Variants in SPTBN4 observed in about 807,000 individuals in gnomAD.
SPTBN4 encodes the protein spectrin beta chain, non-erythrocytic 4.
A neutral mutation model predicts 277.8 loss-of-function variants in SPTBN4; 96 were observed. The observed-to-expected ratio is 0.35, with a 90% CI of 0.29 to 0.41. The LOEUF (loss-of-function observed/expected upper bound fraction) is 0.41. Ranked by LOEUF, SPTBN4 falls within the 10% of genes least tolerant of loss-of-function variation. The pLI is 1.00. For missense variants in SPTBN4, 3,006 were observed against 3,595.7 expected (o/e 0.84, Z 4.19); for synonymous variants, 1,481 against 1,580.3 (o/e 0.94, Z 1.49).
rs187965894 is a variant in SPTBN4, at chr19:40,471,604, G to A, written c.-15-1003G>A. 6.1e-4 allele frequency among the ~76,000 whole-genome samples: 93 copies of A among 152,170 alleles called. 3 individuals carry two copies. The highest frequency in any genetic ancestry group is 2.0e-3 in the African/African-American group (82 of 41,516). On this transcript the variant is annotated intron_variant, in intron 1 of 35. Coordinates refer to ENST00000598249, the MANE Select transcript of SPTBN4 (RefSeq NM_020971.3). The stretch of plus-strand genomic sequence containing the variant: ...TATTATTATTTAGAAATAGGGTATC[G>A]CCATATTGCCCAGTTTGGAGTGCAG...
At chr19:40,503,008 G>A in intron 11 of SPTBN4, 75 bp downstream of exon 11, 1 of 1,531,622 alleles carries the variant, frequency 6.5e-7, no homozygotes, top group Non-Finnish European at 8.8e-7. Context: ...CAGAGAGGGA[G>A]ACTTGATCTT....
rs772394253 is a variant in SPTBN4 at position 40,567,992 on chromosome 19, G to A, written c.6666G>A (p.Ala2222=). Residue 2222 remains alanine, a synonymous_variant, in exon 31 of 36, where the codon GCG becomes GCA. Coordinates refer to ENST00000598249, the MANE Select transcript of SPTBN4 (RefSeq NM_020971.3). ...CGGCGGAGACCCCCGCGACCCCCGCGGCGGCGGAGCAGGTGCGGCCACGAC... is the reference window on the plus strand; with the variant it reads ...CGGCGGAGACCCCCGCGACCCCCGCAGCGGCGGAGCAGGTGCGGCCACGAC... The part of the protein sequence containing the change: ...EDAAETPATP[A]AAEQVRPRPE... 8.0e-6 allele frequency: 12 copies of A among 1,501,902 alleles called. No individual in the cohort carries two copies. In the South Asian group the frequency reaches 1.0e-4, roughly 13 times the overall value. 93.0% of individuals were successfully genotyped at this position (1,501,902 alleles called of 1,614,324 possible).
At chr19:40,518,871 C>T (rs1675398) in intron 15 of SPTBN4, among the ~76,000 whole-genome samples, 31,168 of 152,008 alleles carry the variant, frequency 0.21, 4,679 homozygotes, top group African/African-American at 0.42. Flanking sequence ...ATAGCCACTG[C>T]GTTCTAGCCT....
At chr19:40,570,297 C>T in intron 32 of SPTBN4, 139 bp from the exon 33 acceptor site, 1 of 491,120 alleles carries the variant, frequency 2.0e-6, no homozygotes, top group Admixed American at 4.2e-5. Context: ...GGGCCTCCAA[C>T]CCTGAGGTCC....
In SPTBN4 at chr19:40,557,619, C is replaced by T. The variant is rs572512655; in HGVS notation, c.5670+216C>T. ...CAGGTATTGGCAGGGAAAAGTGGTA[C>T]CTTAGAAGGTCTCACAGATATTAAA... On this transcript the variant is annotated intron_variant, in intron 26 of 35. Coordinates refer to ENST00000598249, the MANE Select transcript of SPTBN4 (RefSeq NM_020971.3). Among the ~76,000 whole-genome samples the T allele has an allele frequency of 2.6e-5, 4 of 152,240 alleles. No homozygotes were observed. In the East Asian group the frequency reaches 7.7e-4, roughly 29 times the overall value.
Position 40,515,899 on chromosome 19 carries a change from CAAAA to C in SPTBN4, c.2903+452_2903+455del, listed in dbSNP as rs1463143684. ...ACACACACACACACACACACACACA[CAAAA>C]TATATATATACACACACATATATAT... On this transcript the variant is annotated intron_variant, in intron 15 of 35. Coordinates refer to ENST00000598249, the MANE Select transcript of SPTBN4 (RefSeq NM_020971.3). The surrounding 1 kb of genome is among the most constrained non-coding windows in gnomAD (Gnocchi z 4.1). Among the ~76,000 whole-genome samples the C allele has an allele frequency of 7.3e-6, 1 of 137,046 alleles. No homozygotes were observed. Among genetic ancestry groups the C allele is most frequent in the Admixed American group, 7.2e-5 (1 of 13,974 alleles). The allele number at this position is 137,046 out of a possible 152,430, so 89.9% of individuals were successfully genotyped here.
In SPTBN4 at chr19:40,479,702, A is replaced by ATATATATATATT. The variant is rs1303572950; in HGVS notation, c.169+6913_169+6914insATATATATATTT. The stretch of plus-strand genomic sequence containing the variant: ...TATATATATATATATATATATATAT[A>ATATATATATATT]TTTAACTTTTTATTATTAAAGTAGT... On this transcript the variant is annotated intron_variant, in intron 2 of 35. Transcript: ENST00000598249. Among the ~76,000 whole-genome samples, 345 of 144,394 alleles carry ATATATATATATT rather than the reference A, an allele frequency of 2.4e-3. 2 individuals are homozygous for ATATATATATATT. The highest frequency in any genetic ancestry group is 8.4e-3 in the African/African-American group (330 of 39,138). The allele number at this position is 144,394 out of a possible 152,430, so 94.7% of individuals were successfully genotyped here. A position where few individuals can be genotyped will look rare whatever the true frequency, so the allele number is the denominator to read the frequency against.
rs1032919112 is a variant in SPTBN4, at chr19:40,560,075, G to A, written c.5671-84G>A. ...AGTGTGAGGCTCCTTATATCTTGAG[G>A]TTCTGCGCTGGAGCAGATGGTGGGA... is the stretch of plus-strand genomic sequence containing the variant. On this transcript the variant is annotated intron_variant, in intron 26 of 35. Coordinates refer to ENST00000598249, the MANE Select transcript of SPTBN4 (RefSeq NM_020971.3). The surrounding 1 kb of genome is among the most constrained non-coding windows in gnomAD (Gnocchi z 5.2). 187 of 1,468,732 alleles carry A rather than the reference G, an allele frequency of 1.3e-4. No individual in the cohort carries two copies. The highest frequency in any genetic ancestry group is 1.6e-4 in the Non-Finnish European group (173 of 1,114,382). The allele number at this position is 1,468,732 out of a possible 1,614,324, so 91.0% of individuals were successfully genotyped here.
intron 20 of SPTBN4, among the ~76,000 whole-genome samples, chr19:40,541,046 G>T (rs576255023): frequency 2.6e-4 from 40 of 152,174 alleles, no homozygotes; most frequent in African/African-American, 9.1e-4. Context: ...TTCTCAGTCC[G>T]ATGGCTGGGA....
chr19:40,490,412 AC>A lies in SPTBN4; in HGVS notation c.495+166del, dbSNP rs1275597997. 4.6e-5 allele frequency among the ~76,000 whole-genome samples: 7 copies of A among 152,200 alleles called. No homozygotes were observed. The highest frequency in any genetic ancestry group is 1.7e-4 in the African/African-American group (7 of 41,434). ...AATGATAAAAATAATTGTCACGATC[AC>A]CACCATCACGATAATCATTTTGTAT... On this transcript the variant is annotated intron_variant, in intron 4 of 35. Coordinates refer to ENST00000598249, the MANE Select transcript of SPTBN4 (RefSeq NM_020971.3). The surrounding 1 kb of genome is among the most constrained non-coding windows in gnomAD (Gnocchi z 4.3).
intron 35 of SPTBN4, among the ~76,000 whole-genome samples, chr19:40,573,571 CTGTAATCCCAGCACT>C (rs2081173977): frequency 6.6e-6 from 1 of 152,242 alleles, no homozygotes; most frequent in Non-Finnish European, 1.5e-5. Context: ...TGGCTTACGC[CTGTAATCCCAGCACT>C]TCGGGAGGCC....
At chr19:40,510,528 C>T (rs183737248) in intron 13 of SPTBN4, among the ~76,000 whole-genome samples, 3 of 152,276 alleles carry the variant, frequency 2.0e-5, no homozygotes, top group Non-Finnish European at 4.4e-5. Context: ...TGGTCTCAAA[C>T]TGCTGACCTC....
intron 20 of SPTBN4, among the ~76,000 whole-genome samples, chr19:40,539,664 G>C (rs1366586389): frequency 2.0e-5 from 3 of 151,614 alleles, no homozygotes; most frequent in Non-Finnish European, 4.4e-5. Flanking sequence ...ATTTTTAGTA[G>C]AGACGGGGTT....
At chr19:40,522,719 T>C (rs574855428) in intron 16 of SPTBN4, among the ~76,000 whole-genome samples, 79 of 152,206 alleles carry the variant, frequency 5.2e-4, no homozygotes, top group Non-Finnish European at 8.2e-4. Flanking sequence ...TGAGCACACC[T>C]CAGGCAACAA....
Position 40,496,825 on chromosome 19 carries a change from C to A in SPTBN4, c.669-664C>A, listed in dbSNP as rs971795362. On this transcript the variant is annotated intron_variant, in intron 6 of 35. Transcript: ENST00000598249. Reference sequence around the variant, plus strand: ...CAGTGGCTCACACCTGTAATCCCTGCACTTTGGGAGGCCTAGGCAGGCAGA... The same window carrying A: ...CAGTGGCTCACACCTGTAATCCCTGAACTTTGGGAGGCCTAGGCAGGCAGA... 2.6e-5 allele frequency among the ~76,000 whole-genome samples: 4 copies of A among 151,950 alleles called. 1 individual carries two copies. Among genetic ancestry groups the A allele is most frequent in the South Asian group, 4.1e-4 (2 of 4,822 alleles).
At position 40,523,649 on chromosome 19, in the gene SPTBN4, C is replaced by T; in HGVS notation, c.3857+10C>T. On this transcript the variant is annotated intron_variant, in intron 17 of 35. Coordinates refer to ENST00000598249, the MANE Select transcript of SPTBN4 (RefSeq NM_020971.3). ...CCCGGCTGCTGGAGAAGTAGGTCCC[C>T]TAGACCCATCCACCCCAGGGAGGGG... The T allele has an allele frequency of 6.3e-7, 1 of 1,598,594 alleles. No individual in the cohort carries two copies. Among genetic ancestry groups the T allele is most frequent in the Non-Finnish European group, 8.5e-7 (1 of 1,170,026 alleles).
chr19:40,498,416 TA>T (rs890942699), intron 7 of SPTBN4, among the ~76,000 whole-genome samples: 10 of 150,540 alleles, frequency 6.6e-5, no homozygotes, highest in African/African-American at 9.8e-5. Flanking sequence ...TTTATTTATT[TA>T]TTTTTTTAGA....
chr19:40,504,226 G>C, intron 12 of SPTBN4, 94 bp downstream of exon 12: 1 of 1,321,430 alleles, frequency 7.6e-7, no homozygotes, highest in Non-Finnish European at 1.0e-6. Context: ...GAGATGGAGA[G>C]GGAAGGGCAG....
In SPTBN4 at chr19:40,519,431, G is replaced by T; in HGVS notation, c.2934G>T (p.Gln978His). ...ACCGCATCGTGGAGCTAGTGGAACA[G>T]CGCAAAGAGGAAATGAGCGCGGTGC... ...RWNRIVELVE[Q>H]RKEEMSAVLL... Residue 978 changes from glutamine (Q) to histidine (H), a missense_variant, in exon 16 of 36, where the codon CAG becomes CAT. Physicochemically the swap from Gln to His is conservative, Grantham distance 24. Coordinates refer to ENST00000598249, the MANE Select transcript of SPTBN4 (RefSeq NM_020971.3). This position sits in a 1 kb window ranked among gnomAD's most constrained non-coding sequence, Gnocchi z 5.7. 1 of 1,595,304 alleles carries T rather than the reference G, an allele frequency of 6.3e-7. No homozygotes were observed.
Sources: allele counts gnomAD v4.1 joint callset (sites outside exome capture counted in the v4.1 genomes callset), GRCh38; gene constraint gnomAD v4.1.1; non-coding constraint Gnocchi (gnomAD v3.1); transcripts MANE v1.5; gene names NCBI Gene and HGNC (gene_info 2026-07-23, HGNC 2026-07-21).